The following EIF3H variants were observed in gnomAD, a reference collection of about 807,000 sequenced individuals.
EIF3H encodes eIF-3-gamma.
A neutral mutation model predicts 44.2 loss-of-function variants in EIF3H; 26 were observed. The ratio of observed to expected loss-of-function variants is 0.59; its 90% CI spans 0.43 to 0.82. The LOEUF is 0.82. Ranked by LOEUF, EIF3H falls within the 40% of genes least tolerant of loss-of-function variation. EIF3H has a pLI of 0.00. For synonymous variants in EIF3H, 166 were observed against 151.9 expected (o/e 1.09, Z -0.68); for missense variants, 359 against 432.8 (o/e 0.83, Z 1.51).
chr8:116,731,151 A>C (rs1330553866), intron 1 of EIF3H, among the ~76,000 whole-genome samples: 2 of 152,164 alleles, frequency 1.3e-5, no homozygotes, highest in African/African-American at 4.8e-5. Context: ...ATGACCCCAC[A>C]TTTGTGATAC....
chr8:116,752,752 A>AGG (rs1815374789), intron 1 of EIF3H, among the ~76,000 whole-genome samples: 1 of 40,914 alleles, frequency 2.4e-5, no homozygotes, highest in African/African-American at 9.3e-5. Context: ...AAAGAAAGAA[A>AGG]GAGGGAGGGA....
intron 1 of EIF3H, among the ~76,000 whole-genome samples, chr8:116,748,036 G>A (rs1251163152): frequency 1.3e-5 from 2 of 152,064 alleles, no homozygotes; most frequent in African/African-American, 4.8e-5. Flanking sequence ...GCTTGAACCT[G>A]GGAGGCGGAG....
intron 2 of EIF3H, among the ~76,000 whole-genome samples, chr8:116,706,542 T>G (rs1181160048): frequency 4.6e-5 from 7 of 152,104 alleles, no homozygotes; most frequent in Non-Finnish European, 2.9e-5. Flanking sequence ...TTTATTTATT[T>G]TATTTATTTA....
At chr8:116,688,512 T>C (rs1048090319) in intron 2 of EIF3H, among the ~76,000 whole-genome samples, 1 of 151,716 alleles carries the variant, frequency 6.6e-6, no homozygotes, top group African/African-American at 2.4e-5. Context: ...AAAGATATAC[T>C]GTCATTACAT....
chr8:116,703,240 T>C (rs1814408466), intron 2 of EIF3H, among the ~76,000 whole-genome samples: 1 of 152,076 alleles, frequency 6.6e-6, no homozygotes, highest in African/African-American at 2.4e-5. Context: ...AGATAGGAGC[T>C]GAAGGGACAC....
At chr8:116,647,581 G>C (rs1563631510) in intron 6 of EIF3H, among the ~76,000 whole-genome samples, 2 of 152,170 alleles carry the variant, frequency 1.3e-5, no homozygotes, top group South Asian at 4.1e-4. Context: ...ACTACAATAA[G>C]AGCTAACAGC....
chr8:116,710,384 CAGTT>C (rs1357126499), intron 2 of EIF3H, among the ~76,000 whole-genome samples: 1 of 152,180 alleles, frequency 6.6e-6, no homozygotes, highest in Non-Finnish European at 1.5e-5. Flanking sequence ...TCTGTATTTT[CAGTT>C]AGTTTCTCCA....
chr8:116,678,757 C>T lies in EIF3H; in HGVS notation c.290-19777G>A, dbSNP rs1296820446. On this transcript the variant is annotated intron_variant, in intron 2 of 7. Coordinates refer to ENST00000521861, the MANE Select transcript of EIF3H (RefSeq NM_003756.3). ...AGAAGTGAGGAAACCCTCTGCCTGG[C>T]AACCGCCCCGTCTGAGAAGTGAGGA... Among the ~76,000 whole-genome samples, 5 of 144,644 alleles carry T rather than the reference C, an allele frequency of 3.5e-5. No homozygotes were observed. In the South Asian group the frequency reaches 6.7e-4, roughly 19 times the overall value. 94.9% of individuals were successfully genotyped at this position (144,644 alleles called of 152,430 possible). A position where few individuals can be genotyped will look rare whatever the true frequency, so the allele number is the denominator to read the frequency against.
At chr8:116,698,882 T>C (rs890592152) in intron 2 of EIF3H, among the ~76,000 whole-genome samples, 12 of 152,192 alleles carry the variant, frequency 7.9e-5, no homozygotes, top group African/African-American at 2.9e-4. Flanking sequence ...GTGCAGTGGC[T>C]GACATCTGTA....
intron 1 of EIF3H, among the ~76,000 whole-genome samples, chr8:116,755,363 G>C (rs1381234219): frequency 6.6e-6 from 1 of 152,070 alleles, no homozygotes; most frequent in East Asian, 1.9e-4. Context: ...GTTAGCTGCT[G>C]GTCTCCAGGA....
chr8:116,731,465 T>G (rs1814949318), intron 1 of EIF3H, among the ~76,000 whole-genome samples: 1 of 152,224 alleles, frequency 6.6e-6, no homozygotes, highest in Non-Finnish European at 1.5e-5. Flanking sequence ...TGTTTTGTTG[T>G]AACTCCTCAG....
chr8:116,695,914 A>G (rs1427639199), intron 2 of EIF3H, among the ~76,000 whole-genome samples: 1 of 152,260 alleles, frequency 6.6e-6, no homozygotes, highest in East Asian at 1.9e-4. Context: ...AGAAAAGTAG[A>G]ATAAACTCAG....
rs985874709 is a variant in EIF3H, at chr8:116,645,027, A to G, written c.1038T>C (p.Ala346=). The change falls in exon 8 of 8, where the codon GCT becomes GCC. Residue 346 remains alanine (A), a synonymous_variant. Transcript: ENST00000521861. Reference sequence around the variant, plus strand: ...TTTCTTAGTTGTTGTATTCTTGAAGAGCCTGGGCCATGAAGAGCTTGCCTA... The same window carrying G: ...TTTCTTAGTTGTTGTATTCTTGAAGGGCCTGGGCCATGAAGAGCTTGCCTA... The part of the protein sequence containing the change: ...QNLGKLFMAQ[A]LQEYNN The G allele has an allele frequency of 2.5e-6, 4 of 1,613,904 alleles. No individual in the cohort carries two copies. The Admixed American group carries it at 5.0e-5, about 20-fold the overall frequency.
chr8:116,752,680 G>GAAAGAAAT (rs1309895049), intron 1 of EIF3H, among the ~76,000 whole-genome samples: 1 of 90,976 alleles, frequency 1.1e-5, no homozygotes, highest in Non-Finnish European at 2.4e-5. Flanking sequence ...AAGAAAGAAA[G>GAAAGAAAT]AAAGAAAGAA....
intron 2 of EIF3H, among the ~76,000 whole-genome samples, chr8:116,670,873 A>G (rs570636509): frequency 7.9e-5 from 12 of 152,336 alleles, no homozygotes; most frequent in South Asian, 2.1e-4. Flanking sequence ...TAGCCTTATC[A>G]GCTGCCATTA....
chr8:116,748,955 T>C (rs1331782988), intron 1 of EIF3H, among the ~76,000 whole-genome samples: 1 of 152,150 alleles, frequency 6.6e-6, no homozygotes, highest in Non-Finnish European at 1.5e-5. Context: ...CGATCCATGG[T>C]TGGTTGAATC....
At chr8:116,700,518 G>C (rs568875732) in intron 2 of EIF3H, among the ~76,000 whole-genome samples, 2 of 152,108 alleles carry the variant, frequency 1.3e-5, no homozygotes, top group African/African-American at 4.8e-5. Context: ...CCAAAAGATG[G>C]AACGTCTCTG....
At chr8:116,677,408 A>G (rs1445207944) in intron 2 of EIF3H, among the ~76,000 whole-genome samples, 1 of 152,242 alleles carries the variant, frequency 6.6e-6, no homozygotes, top group African/African-American at 2.4e-5. Flanking sequence ...TTTTAACCAT[A>G]GAGGGGCATA....
chr8:116,676,538 C>G (rs1399795626), intron 2 of EIF3H, among the ~76,000 whole-genome samples: 2 of 152,166 alleles, frequency 1.3e-5, no homozygotes, highest in Non-Finnish European at 2.9e-5. Context: ...AACCGCCCCC[C>G]ATGATTCAAT....
Sources: allele counts gnomAD v4.1 joint callset (sites outside exome capture counted in the v4.1 genomes callset), GRCh38; gene constraint gnomAD v4.1.1; transcripts MANE v1.5; gene names NCBI Gene and HGNC (gene_info 2026-07-23, HGNC 2026-07-21).